Variants in UNKL observed in about 807,000 individuals in gnomAD.
UNKL encodes unk like zinc finger.
A neutral mutation model predicts 78.0 loss-of-function variants in UNKL; 60 were observed. The ratio of observed to expected loss-of-function variants is 0.77; its 90% CI spans 0.63 to 0.95. UNKL has a LOEUF of 0.95. UNKL is among the 40% of genes least tolerant of loss of function. UNKL has a pLI of 0.00. For synonymous variants in UNKL, 608 were observed against 474.8 expected, an observed-to-expected ratio of 1.28 and a Z score of -3.65; for missense variants, 1,159 against 1,045.7, an observed-to-expected ratio of 1.11 and a Z score of -1.49.
In UNKL at chr16:1,390,712, G is replaced by A; in HGVS notation, c.1024-18C>T. On this transcript the variant is annotated intron_variant, in intron 8 of 14. Transcript: ENST00000389221. ...CGCTTGGCCTGCAACATAAAAAACA[G>A]TCATATGTGGAAAAAGCAGGGAGGA... The A allele has an allele frequency of 6.5e-7, 1 of 1,535,838 alleles. No homozygotes were observed. Among genetic ancestry groups the A allele is most frequent in the Non-Finnish European group, 8.7e-7 (1 of 1,146,770 alleles).
chr16:1,367,950 G>T, intron 12 of UNKL, 92 bp from the exon 13 acceptor site: 1 of 1,207,084 alleles, frequency 8.3e-7, no homozygotes, highest in Non-Finnish European at 1.2e-6. Context: ...CCACCGCTAC[G>T]TGGGCACCCT....
intron 5 of UNKL, chr16:1,398,730 G>T (rs1222072520): frequency 7.2e-6 from 9 of 1,246,930 alleles, no homozygotes; most frequent in Non-Finnish European, 8.3e-6. Context: ...AGGCAAGCCA[G>T]GCCAGGCACA....
intron 3 of UNKL, among the ~76,000 whole-genome samples, chr16:1,402,259 C>T (rs1042877222): frequency 9.4e-5 from 3 of 32,026 alleles, no homozygotes; most frequent in East Asian, 1.1e-3. Context: ...GTGCTGAGTT[C>T]GTTCTCCTGG....
chr16:1,409,122 T>C (rs909595526), intron 2 of UNKL, among the ~76,000 whole-genome samples: 1 of 152,036 alleles, frequency 6.6e-6, no homozygotes, highest in Non-Finnish European at 1.5e-5. Flanking sequence ...TTTCACCATG[T>C]AGGATGGTCT....
chr16:1,365,291 G>C lies in UNKL; in HGVS notation c.*949C>G, dbSNP rs2035152596. ...CATGAGCCACCGCACCCAGCCAGAA[G>C]ACAGCTGCTTAAAAAAGTAATTCTA... is the stretch of plus-strand genomic sequence containing the variant. On this transcript the variant is annotated 3_prime_UTR_variant, in exon 15 of 15. Transcript: ENST00000389221. The C allele has an allele frequency of 6.6e-6, 1 of 152,216 alleles. No homozygotes were observed. Among genetic ancestry groups the C allele is most frequent in the South Asian group, 2.1e-4 (1 of 4,834 alleles). The allele number at this position is 152,216 out of a possible 1,614,324, so 9.4% of individuals were successfully genotyped here. A position where few individuals can be genotyped will look rare whatever the true frequency, so the allele number is the denominator to read the frequency against.
In UNKL at chr16:1,392,907, C is replaced by T. The variant is rs1490636364; in HGVS notation, c.1007G>A (p.Ser336Asn). Reference protein sequence around the residue: ...LHLTSPSSTGSGQPGNAKRRD... With the variant: ...LHLTSPSSTGNGQPGNAKRRD... ...TTCACTTACATTTCCCGGCTGGCCGCTGCCCGTGGAGGAAGGACTCGTGAG... is the reference window on the plus strand; with the variant it reads ...TTCACTTACATTTCCCGGCTGGCCGTTGCCCGTGGAGGAAGGACTCGTGAG... Residue 336 changes from serine (S) to asparagine (N), a missense_variant, in exon 8 of 15, where the codon AGC (serine) becomes AAC (asparagine). Physicochemically the swap from Ser to Asn is conservative, Grantham distance 46. Coordinates refer to ENST00000389221, the MANE Select transcript of UNKL (RefSeq NM_001372107.1). The T allele has an allele frequency of 6.4e-7, 1 of 1,550,614 alleles. No homozygotes were observed. The highest frequency in any genetic ancestry group is 8.7e-7 in the Non-Finnish European group (1 of 1,147,002).
rs1270537244 is a variant in UNKL at position 1,364,167 on chromosome 16, G to A, written c.*2073C>T. On this transcript the variant is annotated 3_prime_UTR_variant, in exon 15 of 15. Coordinates refer to ENST00000389221, the MANE Select transcript of UNKL (RefSeq NM_001372107.1). ...CTAGATACTGAGCTAATAAATCACT[G>A]TAGTTAAAAACAAAATAGATTCACT... 1 of 152,200 alleles carries A rather than the reference G, an allele frequency of 6.6e-6. No homozygotes were observed. Among genetic ancestry groups the A allele is most frequent in the Non-Finnish European group, 1.5e-5 (1 of 68,034 alleles). The allele number at this position is 152,200 out of a possible 1,614,324, so 9.4% of individuals were successfully genotyped here. A position where few individuals can be genotyped will look rare whatever the true frequency, so the allele number is the denominator to read the frequency against.
At position 1,375,825 on chromosome 16, in the gene UNKL, G is replaced by C. The variant is rs73487851; in HGVS notation, c.1265-4214C>G. Among the ~76,000 whole-genome samples, 1,088 of 152,278 alleles carry C rather than the reference G, an allele frequency of 7.1e-3. 14 individuals are homozygous for C. Among genetic ancestry groups the C allele is most frequent in the African/African-American group, 0.025 (1,033 of 41,570 alleles). On this transcript the variant is annotated intron_variant, in intron 10 of 14. Transcript: ENST00000389221. ...CTCCTCTCCTTCCCATTCACAGGAC[G>C]GTGGCGTCCCTGAGCGGACATCCAC... is the stretch of plus-strand genomic sequence containing the variant.
intron 10 of UNKL, among the ~76,000 whole-genome samples, chr16:1,374,526 C>T (rs950483089): frequency 3.9e-5 from 6 of 152,178 alleles, no homozygotes; most frequent in Admixed American, 1.3e-4. Flanking sequence ...GGGGTCGGCG[C>T]GCCGGGAACC....
In UNKL at chr16:1,399,081, G is replaced by A; in HGVS notation, c.734+293C>T. 2 of 1,320,384 alleles carry A rather than the reference G, an allele frequency of 1.5e-6. No individual in the cohort carries two copies. Among genetic ancestry groups the A allele is most frequent in the South Asian group, 1.5e-5 (1 of 65,206 alleles). The allele number at this position is 1,320,384 out of a possible 1,614,324, so 81.8% of individuals were successfully genotyped here. ...GGTGGGGCACACGGGGGTCCCAGCT[G>A]GGCTTGGGGTCCCTCCTGCAGTGCT... On this transcript the variant is annotated intron_variant, in intron 5 of 14. Coordinates refer to ENST00000389221, the MANE Select transcript of UNKL (RefSeq NM_001372107.1). The surrounding 1 kb of genome is among the most constrained non-coding windows in gnomAD (Gnocchi z 5.8).
intron 12 of UNKL, among the ~76,000 whole-genome samples, chr16:1,369,303 C>T (rs897710543): frequency 2.0e-5 from 3 of 150,554 alleles, no homozygotes; most frequent in African/African-American, 7.3e-5. Flanking sequence ...ATCCTGACGT[C>T]GTGATCCGCC....
chr16:1,404,294 G>A (rs1400963844), intron 2 of UNKL, among the ~76,000 whole-genome samples: 4 of 152,318 alleles, frequency 2.6e-5, no homozygotes, highest in South Asian at 2.1e-4. Flanking sequence ...GGGGAGCTCC[G>A]TGAGGGCCCC....
chr16:1,393,757 C>T (rs1361433981), intron 7 of UNKL, among the ~76,000 whole-genome samples: 6 of 152,306 alleles, frequency 3.9e-5, no homozygotes, highest in South Asian at 4.1e-4. Context: ...ATGGCAGTCT[C>T]GGAGCAAGGC....
intron 2 of UNKL, among the ~76,000 whole-genome samples, chr16:1,409,809 G>A (rs73490034): frequency 0.03 from 4,602 of 152,142 alleles, 215 homozygotes; most frequent in African/African-American, 0.1. Flanking sequence ...GGCCGGGCGC[G>A]GTGGCTCATG....
chr16:1,394,783 C>T (rs2037188810), intron 6 of UNKL, among the ~76,000 whole-genome samples: 3 of 152,154 alleles, frequency 2.0e-5, no homozygotes, highest in Admixed American at 2.0e-4. Flanking sequence ...TGCCTGGGTC[C>T]CAGCAGGAAG....
At chr16:1,370,773 G>C (rs1182788802) in intron 11 of UNKL, among the ~76,000 whole-genome samples, 2 of 152,206 alleles carry the variant, frequency 1.3e-5, no homozygotes, top group East Asian at 3.9e-4. Context: ...AAAAGATGTT[G>C]TATACGATGT....
At chr16:1,412,662 A>T (rs1192077834) in intron 2 of UNKL, among the ~76,000 whole-genome samples, 1 of 152,258 alleles carries the variant, frequency 6.6e-6, no homozygotes, top group Non-Finnish European at 1.5e-5. Flanking sequence ...TAAAATTAAA[A>T]TAAATACGTA....
chr16:1,363,757 C>G lies in UNKL; in HGVS notation c.*2483G>C, dbSNP rs955080003. ...GCACACAGCCCCAGGATCTTGCCCC[C>G]ATTTCCAACCCTGGCAGCGCTGCCA... On this transcript the variant is annotated 3_prime_UTR_variant, in exon 15 of 15. Coordinates refer to ENST00000389221, the MANE Select transcript of UNKL (RefSeq NM_001372107.1). 6.3e-6 allele frequency: 1 copy of G among 159,718 alleles called. No individual in the cohort carries two copies. Among genetic ancestry groups the G allele is most frequent in the African/African-American group, 2.4e-5 (1 of 41,488 alleles). 9.9% of individuals were successfully genotyped at this position (159,718 alleles called of 1,614,324 possible).
chr16:1,366,572 G>C (rs192273533), intron 14 of UNKL, among the ~76,000 whole-genome samples, 177 bp from the exon 15 acceptor site: 26 of 152,122 alleles, frequency 1.7e-4, no homozygotes, highest in African/African-American at 6.0e-4. Flanking sequence ...GCAGCTGCGG[G>C]GTCAGGGGGT....
Sources: allele counts gnomAD v4.1 joint callset (sites outside exome capture counted in the v4.1 genomes callset), GRCh38; gene constraint gnomAD v4.1.1; non-coding constraint Gnocchi (gnomAD v3.1); transcripts MANE v1.5; gene names NCBI Gene and HGNC (gene_info 2026-07-23, HGNC 2026-07-21).